Variants in KTN1 observed in about 807,000 individuals in gnomAD.
KTN1 encodes kinectin.
A neutral mutation model predicts 222.5 loss-of-function variants in KTN1; 130 were observed. The ratio of observed to expected loss-of-function variants is 0.58; its 90% CI spans 0.51 to 0.68. KTN1 has a LOEUF of 0.68. Ranked by LOEUF, KTN1 falls within the 30% of genes least tolerant of loss-of-function variation. KTN1 has a pLI of 0.00. For synonymous variants in KTN1, 512 were observed against 496.3 expected (o/e 1.03, Z -0.42); for missense variants, 1,508 against 1,500.4 (o/e 1.01, Z -0.08).
chr14:55,587,536 C>T (rs1480183243), intron 1 of KTN1, among the ~76,000 whole-genome samples: 1 of 152,164 alleles, frequency 6.6e-6, no homozygotes, highest in African/African-American at 2.4e-5. Context: ...TGTTGCAGAA[C>T]GTTGAAGATG....
intron 1 of KTN1, 35 bp from the exon 2 acceptor site, chr14:55,611,984 T>C: frequency 2.2e-6 from 2 of 913,304 alleles, no homozygotes; most frequent in South Asian, 3.4e-5. Context: ...ACAGGTTCTT[T>C]TTTTTTTTTT....
In KTN1 at chr14:55,670,734, T is replaced by TG. The variant is rs2045370257; in HGVS notation, c.3275dup (p.Glu1093Ter). The TG allele has an allele frequency of 6.2e-7, 1 of 1,605,656 alleles. No homozygotes were observed. Among genetic ancestry groups the TG allele is most frequent in the Non-Finnish European group, 8.5e-7 (1 of 1,174,370 alleles). ...TTAACTTTTCTCGTCCACAGAGTTA[T>TG]GGTGAATGGTTGCATGGATTTGAAA... On this transcript the variant is annotated frameshift_variant, in exon 35 of 44. Coordinates refer to ENST00000395314, the MANE Select transcript of KTN1 (RefSeq NM_001079521.2). LOFTEE classifies it high-confidence loss of function.
At chr14:55,600,288 C>A (rs370559417) in intron 1 of KTN1, among the ~76,000 whole-genome samples, 3 of 151,818 alleles carry the variant, frequency 2.0e-5, no homozygotes, top group East Asian at 3.9e-4. Context: ...CTAAACTTTT[C>A]CAAAGGATGA....
intron 35 of KTN1, chr14:55,671,344 A>T: frequency 2.0e-6 from 1 of 508,588 alleles, no homozygotes; most frequent in Non-Finnish European, 3.4e-6. Context: ...CTGACTAAAG[A>T]CTTTAGTACC....
chr14:55,676,986 T>C (rs1008493589), intron 41 of KTN1, among the ~76,000 whole-genome samples: 2 of 152,190 alleles, frequency 1.3e-5, no homozygotes, highest in Admixed American at 1.3e-4. Flanking sequence ...AAACATGGAA[T>C]TTAGCCTAGC....
chr14:55,644,158 T>C lies in KTN1; in HGVS notation c.2172+2398T>C, dbSNP rs1181609436. 4.6e-5 allele frequency: 19 copies of C among 413,676 alleles called. 1 individual carries two copies. The highest frequency in any genetic ancestry group is 1.3e-3 in the Middle Eastern group (2 of 1,510). 25.6% of individuals were successfully genotyped at this position (413,676 alleles called of 1,614,324 possible). A position where few individuals can be genotyped will look rare whatever the true frequency, so the allele number is the denominator to read the frequency against. ...AGACAAAGAATCATTTCTGTGGCTT[T>C]TCCTCTAGTCGTTTTTATTGTTGCT... On this transcript the variant is annotated intron_variant, in intron 18 of 43. Transcript: ENST00000395314.
chr14:55,640,489 C>T lies in KTN1; in HGVS notation c.1983+47C>T, dbSNP rs559506916. 32 of 1,319,018 alleles carry T rather than the reference C, an allele frequency of 2.4e-5. 1 individual carries two copies. In the Admixed American group the frequency reaches 2.4e-4, roughly 10 times the overall value. The allele number at this position is 1,319,018 out of a possible 1,614,324, so 81.7% of individuals were successfully genotyped here. On this transcript the variant is annotated intron_variant, in intron 15 of 43. Coordinates refer to ENST00000395314, the MANE Select transcript of KTN1 (RefSeq NM_001079521.2). ...GCATTGATCTCAGAATTTCAATTTG[C>T]GTATTCTTATTTTCATTGATATTGT... is the stretch of plus-strand genomic sequence containing the variant.
At chr14:55,676,189 A>G (rs1034691959) in intron 41 of KTN1, among the ~76,000 whole-genome samples, 9 of 152,196 alleles carry the variant, frequency 5.9e-5, no homozygotes, top group Admixed American at 2.0e-4. Context: ...GAGTTATTAA[A>G]ATTTGGCTGC....
Position 55,627,962 on chromosome 14 carries a change from C to A in KTN1, c.1014C>A (p.Asp338Glu), listed in dbSNP as rs987981779. The A allele has an allele frequency of 6.2e-7, 1 of 1,613,780 alleles. No individual in the cohort carries two copies. The highest frequency in any genetic ancestry group is 1.3e-5 in the African/African-American group (1 of 74,916). Residue 338 changes from aspartate to glutamate, a missense_variant, in exon 6 of 44, where the codon GAC (aspartate) becomes GAA (glutamate). Coordinates refer to ENST00000395314, the MANE Select transcript of KTN1 (RefSeq NM_001079521.2). The part of the protein sequence containing the change: ...TTLIHQLQEK[D>E]KLLAAVKEDA... ...TTATACATCAGCTTCAAGAAAAGGACAAGTTACTCGCTGCTGTGAAGGAAG... is the reference window on the plus strand; with the variant it reads ...TTATACATCAGCTTCAAGAAAAGGAAAAGTTACTCGCTGCTGTGAAGGAAG...
intron 1 of KTN1, among the ~76,000 whole-genome samples, chr14:55,589,656 CT>C (rs765755065): frequency 0.07 from 7,087 of 101,862 alleles, 94 homozygotes; most frequent in South Asian, 0.1. Context: ...CATCTGATTT[CT>C]TTTTTTTTTT....
intron 1 of KTN1, among the ~76,000 whole-genome samples, chr14:55,591,629 C>T (rs142480251): frequency 0.012 from 1,654 of 142,556 alleles, 60 homozygotes; most frequent in Admixed American, 0.071. Context: ...GCTCTTGTCG[C>T]CCAGGCTGGA....
intron 24 of KTN1, 153 bp from the exon 25 acceptor site, chr14:55,651,737 A>C: frequency 1.7e-6 from 1 of 573,362 alleles, no homozygotes; most frequent in Non-Finnish European, 3.1e-6. Context: ...ATTGGAGTCA[A>C]GAGGAGGTAA....
At chr14:55,650,814 A>G (rs1317283982) in intron 24 of KTN1, among the ~76,000 whole-genome samples, 177 bp downstream of exon 24, 3 of 152,108 alleles carry the variant, frequency 2.0e-5, no homozygotes, top group Non-Finnish European at 4.4e-5. Flanking sequence ...TTTAATCTGT[A>G]TATCTTAAAA....
intron 2 of KTN1, 66 bp from the exon 3 acceptor site, chr14:55,616,451 G>A: frequency 7.2e-7 from 1 of 1,380,422 alleles, no homozygotes. Flanking sequence ...ATTACTCAGT[G>A]ATTGCATCTT....
chr14:55,605,781 G>A (rs1281092148), intron 1 of KTN1, among the ~76,000 whole-genome samples: 1 of 152,146 alleles, frequency 6.6e-6, no homozygotes, highest in Non-Finnish European at 1.5e-5. Context: ...GTATTTGAAG[G>A]TTATCAACTA....
At position 55,641,117 on chromosome 14, in the gene KTN1, A is replaced by G; in HGVS notation, c.2022-10A>G. 6.5e-7 allele frequency: 1 copy of G among 1,546,988 alleles called. No homozygotes were observed. The highest frequency in any genetic ancestry group is 8.8e-7 in the Non-Finnish European group (1 of 1,138,238). On this transcript the variant is annotated splice_polypyrimidine_tract_variant and intron_variant, in intron 16 of 43. Transcript: ENST00000395314. ...ATGAAGTATTTTAATTTTTTTTTTC[A>G]CCCTCATAGTGTTTATGTTAAAGAT... is the stretch of plus-strand genomic sequence containing the variant.
intron 1 of KTN1, among the ~76,000 whole-genome samples, chr14:55,583,068 T>G (rs2032097947): frequency 6.6e-6 from 1 of 152,304 alleles, no homozygotes; most frequent in African/African-American, 2.4e-5. Flanking sequence ...TTGGTCTAGA[T>G]GAGAATATAA....
rs367861742 is a variant in KTN1 at position 55,584,092 on chromosome 14, G to C, written c.-31+3738G>C. On this transcript the variant is annotated intron_variant, in intron 1 of 43. Transcript: ENST00000395314. ...CTGCAGTCTTTCCAACACAACAACT[G>C]GATCATATTACTTATCTTCTCAGAA... Among the ~76,000 whole-genome samples, 59 of 152,248 alleles carry C rather than the reference G, an allele frequency of 3.9e-4. No individual in the cohort carries two copies. The East Asian group carries it at 9.5e-3, about 24-fold the overall frequency.
Position 55,664,137 on chromosome 14 carries a change from A to T in KTN1, c.3177+96A>T, listed in dbSNP as rs2044445469. 4.1e-6 allele frequency: 3 copies of T among 736,316 alleles called. No individual in the cohort carries two copies. The East Asian group carries it at 8.5e-5, about 21-fold the overall frequency. 45.6% of individuals were successfully genotyped at this position (736,316 alleles called of 1,614,324 possible). A position where few individuals can be genotyped will look rare whatever the true frequency, so the allele number is the denominator to read the frequency against. On this transcript the variant is annotated intron_variant, in intron 33 of 43. Transcript: ENST00000395314. ...AAAGCATTTACTTTTACTGCAATTTAAATATAAAATCTCCTTATCCATATT... is the reference window on the plus strand; with the variant it reads ...AAAGCATTTACTTTTACTGCAATTTTAATATAAAATCTCCTTATCCATATT...
Sources: allele counts gnomAD v4.1 joint callset (sites outside exome capture counted in the v4.1 genomes callset), GRCh38; gene constraint gnomAD v4.1.1; transcripts MANE v1.5; gene names NCBI Gene and HGNC (gene_info 2026-07-23, HGNC 2026-07-21).